The following SV2C variants were observed in gnomAD, a reference collection of about 807,000 sequenced individuals.
SV2C encodes the protein solute carrier family 22 member B3.
In SV2C, 49 loss-of-function variants were observed where a neutral mutation model predicts 79.7. The observed-to-expected ratio is 0.61, with a 90% CI of 0.49 to 0.78. The LOEUF (loss-of-function observed/expected upper bound fraction) is 0.78, where lower values mean the gene tolerates loss of function less well. Among genes scored for constraint, SV2C ranks in the 30% least tolerant of loss-of-function variants. The pLI, the probability that SV2C is intolerant of heterozygous loss-of-function variation, is 0.00. For synonymous variants in SV2C, 334 were observed against 333.2 expected, an observed-to-expected ratio of 1.00 and a Z score of -0.03; for missense variants, 833 against 912.9, an observed-to-expected ratio of 0.91 and a Z score of 1.13.
chr5:76,218,377 T>C (rs1744964096), intron 4 of SV2C, among the ~76,000 whole-genome samples: 1 of 152,136 alleles, frequency 6.6e-6, no homozygotes, highest in Admixed American at 6.5e-5. Context: ...AATGGTAGAC[T>C]AGATAAAGAA....
chr5:76,004,494 A>G, the SV2C span, among the ~76,000 whole-genome samples: 1 of 152,138 alleles, frequency 6.6e-6, no homozygotes, highest in African/African-American at 2.4e-5. Context: ...CATGATATAC[A>G]TTACTTTCAG....
the SV2C span, among the ~76,000 whole-genome samples, chr5:76,032,956 G>T: frequency 5.9e-5 from 9 of 152,252 alleles, no homozygotes; most frequent in Non-Finnish European, 1.0e-4. Flanking sequence ...GTTTGAGATG[G>T]TATCCCATTG....
chr5:76,228,923 A>G (rs1237024022), intron 4 of SV2C, among the ~76,000 whole-genome samples: 1 of 152,172 alleles, frequency 6.6e-6, no homozygotes. Context: ...CCACAACCTT[A>G]GTGGCTTTAC....
chr5:76,015,099 A>T, the SV2C span, among the ~76,000 whole-genome samples: 1 of 152,134 alleles, frequency 6.6e-6, no homozygotes, highest in African/African-American at 2.4e-5. Context: ...TAGAGAAATG[A>T]TATATATGTC....
intron 4 of SV2C, among the ~76,000 whole-genome samples, chr5:76,264,650 A>G (rs1438262686): frequency 6.6e-6 from 1 of 152,124 alleles, no homozygotes; most frequent in Non-Finnish European, 1.5e-5. Context: ...CATTGATGTT[A>G]CTGCTGTCTG....
At chr5:75,866,492 GTGAA>G in the SV2C span, among the ~76,000 whole-genome samples, 1 of 152,218 alleles carries the variant, frequency 6.6e-6, no homozygotes, top group African/African-American at 2.4e-5. Context: ...AAAGAAGATA[GTGAA>G]TATTTCCAGA....
At chr5:76,077,981 G>A in the SV2C span, among the ~76,000 whole-genome samples, 1 of 152,212 alleles carries the variant, frequency 6.6e-6, no homozygotes, top group Non-Finnish European at 1.5e-5. Context: ...CAAGGATTAA[G>A]GCAGGATTAG....
intron 1 of SV2C, among the ~76,000 whole-genome samples, chr5:76,122,190 A>G (rs988552695): frequency 2.0e-5 from 3 of 150,182 alleles, no homozygotes; most frequent in African/African-American, 7.5e-5. Flanking sequence ...TTGGTGTATA[A>G]GAATGCTTGT....
At chr5:76,324,117 G>GT (rs908707546) in intron 12 of SV2C, among the ~76,000 whole-genome samples, 3 of 151,904 alleles carry the variant, frequency 2.0e-5, no homozygotes, top group African/African-American at 7.3e-5. Flanking sequence ...CTTAACAACA[G>GT]TTTTTTTTCT....
At chr5:76,122,577 A>C (rs959938187) in intron 1 of SV2C, among the ~76,000 whole-genome samples, 3 of 152,170 alleles carry the variant, frequency 2.0e-5, no homozygotes, top group Non-Finnish European at 2.9e-5. Flanking sequence ...ACTCACTCAA[A>C]ACTGCTCAAC....
chr5:76,154,713 A>G (rs988790070), intron 2 of SV2C, among the ~76,000 whole-genome samples: 12 of 152,140 alleles, frequency 7.9e-5, no homozygotes, highest in African/African-American at 2.7e-4. Context: ...CATAAAACTA[A>G]CCACTTAAAG....
chr5:76,048,965 G>GAGAAAGAAAGAAAGAAAGAAAGAAAGAA, the SV2C span, among the ~76,000 whole-genome samples: 1,057 of 58,158 alleles, frequency 0.018, 38 homozygotes, highest in East Asian at 0.029. Flanking sequence ...GAAAGAAAAA[G>GAGAAAGAAAGAAAGAAAGAAAGAAAGAA]AGAAAGAAAG....
chr5:76,040,995 G>C, the SV2C span, among the ~76,000 whole-genome samples: 1 of 152,178 alleles, frequency 6.6e-6, no homozygotes, highest in African/African-American at 2.4e-5. Context: ...AGGAACTGCA[G>C]TGTGGGGTGT....
At chr5:76,149,605 A>G (rs890087170) in intron 2 of SV2C, among the ~76,000 whole-genome samples, 28 of 152,214 alleles carry the variant, frequency 1.8e-4, no homozygotes, top group African/African-American at 6.0e-4. Flanking sequence ...TGGCTTATTC[A>G]CCAATATACA....
At chr5:75,868,255 TG>T in the SV2C span, among the ~76,000 whole-genome samples, 1 of 152,276 alleles carries the variant, frequency 6.6e-6, no homozygotes, top group Middle Eastern at 3.4e-3. Context: ...GTGAAAAGAT[TG>T]GAGAAAGATT....
chr5:75,851,952 C>T, the SV2C span, among the ~76,000 whole-genome samples: 1 of 152,144 alleles, frequency 6.6e-6, no homozygotes, highest in Non-Finnish European at 1.5e-5. Flanking sequence ...CGTGAGCCAC[C>T]GCGCCTGGCC....
intron 1 of SV2C, among the ~76,000 whole-genome samples, chr5:76,100,739 G>C (rs996255224): frequency 6.6e-6 from 1 of 152,152 alleles, no homozygotes; most frequent in Admixed American, 6.5e-5. Context: ...ACTCCATGGT[G>C]GTTTGAAGGC....
chr5:76,256,107 G>A (rs10041638), intron 4 of SV2C, among the ~76,000 whole-genome samples: 7,301 of 152,264 alleles, frequency 0.048, 265 homozygotes, highest in Middle Eastern at 0.099. Flanking sequence ...GGGTTCTTAA[G>A]ACTTTCACCA....
chr5:75,904,404 G>GAC, the SV2C span, among the ~76,000 whole-genome samples: 2 of 129,856 alleles, frequency 1.5e-5, no homozygotes, highest in African/African-American at 8.1e-5. Context: ...CAAACCCAGA[G>GAC]AGAGAGAGAG....
Sources: allele counts gnomAD v4.1 joint callset (sites outside exome capture counted in the v4.1 genomes callset), GRCh38; gene constraint gnomAD v4.1.1; transcripts MANE v1.5; gene names NCBI Gene and HGNC (gene_info 2026-07-23, HGNC 2026-07-21).